HS3ST5: variants seen among roughly 807,000 people sequenced by gnomAD.
HS3ST5 encodes the protein heparan sulfate-glucosamine 3-sulfotransferase 5, also known as heparan sulfate glucosamine 3-O-sulfotransferase 5.
HS3ST5 carries 10 observed loss-of-function variants against 25.4 expected under a neutral mutation model. That is an observed-to-expected ratio of 0.39 (90% confidence interval 0.24 to 0.67). The LOEUF is 0.67. Among genes scored for constraint, HS3ST5 ranks in the 30% least tolerant of loss-of-function variants. The pLI is 0.44. For missense variants in HS3ST5, 324 were observed against 420.7 expected (o/e 0.77, Z 2.01); for synonymous variants, 170 against 162.4 (o/e 1.05, Z -0.36).
chr6:114,136,283 A>G lies in HS3ST5; in HGVS notation c.-33+32068T>C, dbSNP rs1392002968. On this transcript the variant is annotated intron_variant, in intron 3 of 4. Coordinates refer to ENST00000312719, the MANE Select transcript of HS3ST5 (RefSeq NM_153612.4). ...TAAATCATGGGGGCAGGTCTTTCCC[A>G]TGCTGTTCTTGTGATAGTGAATAAG... Among the ~76,000 whole-genome samples the G allele has an allele frequency of 1.7e-4, 26 of 152,222 alleles. 1 individual carries two copies. The East Asian group carries it at 4.8e-3, about 28-fold the overall frequency.
At chr6:114,260,465 T>C (rs923838864) in intron 1 of HS3ST5, among the ~76,000 whole-genome samples, 41 of 152,204 alleles carry the variant, frequency 2.7e-4, no homozygotes, top group African/African-American at 9.9e-4. Context: ...AACAGTAAGA[T>C]ACTAGTTTAA....
At chr6:114,273,092 C>G (rs191179356) in intron 1 of HS3ST5, among the ~76,000 whole-genome samples, 172 of 152,060 alleles carry the variant, frequency 1.1e-3, no homozygotes, top group African/African-American at 4.0e-3. Context: ...CTTTAGGGAA[C>G]AAGGGCAGAG....
intron 3 of HS3ST5, among the ~76,000 whole-genome samples, chr6:114,164,376 AATG>A (rs1183989663): frequency 6.6e-6 from 1 of 152,204 alleles, no homozygotes; most frequent in Non-Finnish European, 1.5e-5. Context: ...AATTAACAAT[AATG>A]ATAAACTGCA....
At chr6:114,325,124 T>G (rs892909200) in intron 1 of HS3ST5, among the ~76,000 whole-genome samples, 3 of 152,174 alleles carry the variant, frequency 2.0e-5, no homozygotes, top group African/African-American at 7.2e-5. Context: ...AATTGCTAGG[T>G]TTAGCATGAG....
chr6:114,136,707 T>G (rs1209117075), intron 3 of HS3ST5, among the ~76,000 whole-genome samples: 1 of 152,234 alleles, frequency 6.6e-6, no homozygotes, highest in Non-Finnish European at 1.5e-5. Context: ...CAGAATACTA[T>G]TCAAGGAACT....
chr6:114,161,818 T>C (rs1377967136), intron 3 of HS3ST5, among the ~76,000 whole-genome samples: 1 of 151,418 alleles, frequency 6.6e-6, no homozygotes. Flanking sequence ...AGTAACGTAA[T>C]TATTATACAA....
At chr6:114,066,184 C>G (rs1459238320) in intron 3 of HS3ST5, among the ~76,000 whole-genome samples, 1 of 152,154 alleles carries the variant, frequency 6.6e-6, no homozygotes, top group Non-Finnish European at 1.5e-5. Flanking sequence ...TGGGCTAAAC[C>G]GACTGACTGA....
intron 1 of HS3ST5, among the ~76,000 whole-genome samples, chr6:114,291,667 T>C (rs927447058): frequency 2.6e-5 from 4 of 152,180 alleles, no homozygotes; most frequent in Non-Finnish European, 5.9e-5. Context: ...GTCTGATAAA[T>C]GGATGGTGCC....
intron 1 of HS3ST5, among the ~76,000 whole-genome samples, chr6:114,260,246 G>C (rs977050620): frequency 3.3e-5 from 5 of 152,002 alleles, no homozygotes; most frequent in African/African-American, 9.7e-5. Flanking sequence ...ATATCGCTTT[G>C]ATGAACATAA....
intron 3 of HS3ST5, among the ~76,000 whole-genome samples, chr6:114,104,789 T>A (rs1335004346): frequency 3.9e-5 from 6 of 152,196 alleles, no homozygotes; most frequent in Non-Finnish European, 7.3e-5. Flanking sequence ...GTCACGAGAC[T>A]CATTTTTTGT....
intron 2 of HS3ST5, among the ~76,000 whole-genome samples, chr6:114,227,263 A>G (rs980044595): frequency 9.2e-6 from 1 of 109,044 alleles, no homozygotes; most frequent in Admixed American, 9.2e-5. Flanking sequence ...TGAAAGGTTT[A>G]TTGTTGCCTT....
chr6:114,102,624 A>C (rs1439841877), intron 3 of HS3ST5, among the ~76,000 whole-genome samples: 1 of 152,184 alleles, frequency 6.6e-6, no homozygotes, highest in African/African-American at 2.4e-5. Flanking sequence ...AGAGATTTAC[A>C]TGGTCTTTGT....
intron 1 of HS3ST5, among the ~76,000 whole-genome samples, chr6:114,294,319 G>A (rs1022652655): frequency 2.0e-5 from 3 of 152,138 alleles, no homozygotes; most frequent in African/African-American, 7.2e-5. Context: ...GCAGAGCCTG[G>A]ACAAATGTCT....
At chr6:114,253,225 AC>A (rs1273597360) in intron 1 of HS3ST5, among the ~76,000 whole-genome samples, 1 of 152,342 alleles carries the variant, frequency 6.6e-6, no homozygotes, top group East Asian at 1.9e-4. Flanking sequence ...ATGTTAATTT[AC>A]TTGCTTTAAC....
intron 2 of HS3ST5, among the ~76,000 whole-genome samples, chr6:114,215,936 C>T (rs937399338): frequency 2.6e-5 from 4 of 152,188 alleles, no homozygotes; most frequent in African/African-American, 9.7e-5. Context: ...TAATTACTGA[C>T]ATCTAAAGGA....
chr6:114,058,040 C>A lies in HS3ST5; in HGVS notation c.258G>T (p.Leu86=), dbSNP rs768116036. 6.2e-7 allele frequency: 1 copy of A among 1,614,166 alleles called. No homozygotes were observed. Residue 86 remains leucine (L), a synonymous_variant, in exon 5 of 5, where the codon CTG becomes CTT. Coordinates refer to ENST00000312719, the MANE Select transcript of HS3ST5 (RefSeq NM_153612.4). The stretch of plus-strand genomic sequence containing the variant: ...TAATGGCCTTGGGGAGCTGCTGGAC[C>A]AGGTCATGGAGGCGAACCTGCTCCT... The part of the protein sequence containing the change: ...ASKEQVRLHD[L]VQQLPKAIII...
intron 1 of HS3ST5, among the ~76,000 whole-genome samples, chr6:114,310,962 A>G (rs1440672053): frequency 6.6e-6 from 1 of 152,216 alleles, no homozygotes; most frequent in Non-Finnish European, 1.5e-5. Context: ...ATATGCTAAT[A>G]TAGCCAATGT....
At chr6:114,188,114 T>C (rs868426386) in intron 2 of HS3ST5, among the ~76,000 whole-genome samples, 1 of 152,182 alleles carries the variant, frequency 6.6e-6, no homozygotes, top group African/African-American at 2.4e-5. Context: ...GAACCTGCAA[T>C]ATCTCCGAGG....
At chr6:114,075,179 C>T (rs1304743811) in intron 3 of HS3ST5, among the ~76,000 whole-genome samples, 4 of 152,242 alleles carry the variant, frequency 2.6e-5, no homozygotes, top group Non-Finnish European at 5.9e-5. Flanking sequence ...ATAAGATCCG[C>T]ATCATCTGTT....
Sources: gnomAD v4.1 joint callset for allele counts (sites outside exome capture counted in the v4.1 genomes callset) on GRCh38, gnomAD v4.1.1 for gene constraint, MANE v1.5 for transcripts, NCBI Gene and HGNC (gene_info 2026-07-23, HGNC 2026-07-21) for gene names.